The following INHBC variants were observed in gnomAD, a reference collection of about 807,000 sequenced individuals.
The protein encoded by INHBC is inhibin beta C chain.
Under a neutral mutation model 12.4 loss-of-function variants are expected in INHBC, and 10 were observed. The observed-to-expected ratio is 0.81, with a 90% CI of 0.50 to 1.37. INHBC has a LOEUF of 1.37. Among genes scored for constraint, INHBC ranks in the 40% most tolerant of loss-of-function variants. The pLI, the probability that INHBC is intolerant of heterozygous loss-of-function variation, is 0.00. For missense variants in INHBC, 382 were observed against 439.4 expected, an observed-to-expected ratio of 0.87 and a Z score of 1.17; for synonymous variants, 147 against 171.6, an observed-to-expected ratio of 0.86 and a Z score of 1.12.
At chr12:57,437,969 A>G (rs1870382921) in intron 1 of INHBC, among the ~76,000 whole-genome samples, 1 of 152,042 alleles carries the variant, frequency 6.6e-6, no homozygotes, top group African/African-American at 2.4e-5. Flanking sequence ...TATTTTTAGT[A>G]GAGACGGGGT....
Position 57,449,460 on chromosome 12 carries a change from C to G in INHBC, c.497C>G (p.Thr166Ser). The G allele has an allele frequency of 5.6e-6, 9 of 1,614,242 alleles. No individual in the cohort carries two copies. The highest frequency in any genetic ancestry group is 7.6e-6 in the Non-Finnish European group (9 of 1,180,046). The change falls in exon 2 of 2, where the codon ACT becomes AGT. Residue 166 changes from threonine to serine, a missense_variant. Coordinates refer to ENST00000309668, the MANE Select transcript of INHBC (RefSeq NM_005538.4). ...GPHNTNLTLA[T>S]QYLLEVDASG... ...CATAATACCAACCTCACCTTGGCTA[C>G]TCAGTACCTGCTGGAGGTGGATGCC...
At chr12:57,438,144 C>T (rs2139830322) in intron 1 of INHBC, among the ~76,000 whole-genome samples, 1 of 152,282 alleles carries the variant, frequency 6.6e-6, no homozygotes, top group Middle Eastern at 3.4e-3. Context: ...CAGATTCTTG[C>T]TCAGCCATTT....
chr12:57,442,213 A>G (rs747200092), intron 1 of INHBC, among the ~76,000 whole-genome samples: 1 of 152,160 alleles, frequency 6.6e-6, no homozygotes, highest in Non-Finnish European at 1.5e-5. Flanking sequence ...ATGCCTCAAT[A>G]TGTAAGTACT....
chr12:57,449,973 T>C lies in INHBC; in HGVS notation c.1010T>C (p.Val337Ala). The change falls in exon 2 of 2, where the codon GTC (valine) becomes GCC (alanine). Residue 337 changes from valine (V) to alanine (A), a missense_variant. Physicochemically the swap from Val to Ala is moderately conservative, Grantham distance 64. Coordinates refer to ENST00000309668, the MANE Select transcript of INHBC (RefSeq NM_005538.4). ...TATTATGACAGGGACAGCAACATTG[T>C]CAAGACTGACATACCTGACATGGTA... Reference protein sequence around the residue: ...LLYYDRDSNIVKTDIPDMVVE... With the variant: ...LLYYDRDSNIAKTDIPDMVVE... The C allele has an allele frequency of 6.5e-7, 1 of 1,543,350 alleles. No individual in the cohort carries two copies. The highest frequency in any genetic ancestry group is 8.7e-7 in the Non-Finnish European group (1 of 1,143,142).
chr12:57,441,957 A>G (rs942044002), intron 1 of INHBC, among the ~76,000 whole-genome samples: 11 of 152,120 alleles, frequency 7.2e-5, no homozygotes, highest in Non-Finnish European at 1.3e-4. Flanking sequence ...CTGGGATTAC[A>G]AGCATGAGCC....
At chr12:57,439,786 T>G (rs1477951020) in intron 1 of INHBC, among the ~76,000 whole-genome samples, 1 of 152,232 alleles carries the variant, frequency 6.6e-6, no homozygotes, top group African/African-American at 2.4e-5. Context: ...GAACATCGTC[T>G]TAAATTTTAG....
rs11172213 is a variant in INHBC, at chr12:57,436,811, C to T, written c.313+1612C>T. 8.7e-3 allele frequency among the ~76,000 whole-genome samples: 1,324 copies of T among 152,008 alleles called. 17 individuals carry two copies. Among genetic ancestry groups the T allele is most frequent in the African/African-American group, 0.03 (1,236 of 41,478 alleles). On this transcript the variant is annotated intron_variant, in intron 1 of 1. Coordinates refer to ENST00000309668, the MANE Select transcript of INHBC (RefSeq NM_005538.4). ...CCTCCCGAGTAGCTGGGGCTACAGG[C>T]GCCTACCACCATGCCTGGCTACTTT...
rs145429935 is a variant in INHBC at position 57,450,312 on chromosome 12, A to G, written c.*290A>G. On this transcript the variant is annotated 3_prime_UTR_variant, in exon 2 of 2. Transcript: ENST00000309668. ...TCAGACCCATCTCCAACCATGAGCA[A>G]TGCCATCTGGTTCCCAGGCAAAGAC... 3.6e-6 allele frequency: 1 copy of G among 274,098 alleles called. No homozygotes were observed. The highest frequency in any genetic ancestry group is 2.2e-5 in the African/African-American group (1 of 45,814). The allele number at this position is 274,098 out of a possible 1,614,324, so 17.0% of individuals were successfully genotyped here. A position where few individuals can be genotyped will look rare whatever the true frequency, so the allele number is the denominator to read the frequency against.
chr12:57,435,847 CTTTTT>C (rs553110736), intron 1 of INHBC, among the ~76,000 whole-genome samples: 1 of 143,950 alleles, frequency 6.9e-6, no homozygotes, highest in African/African-American at 2.5e-5. Flanking sequence ...TAGCAAGACC[CTTTTT>C]TTTTTTTTTC....
At chr12:57,442,690 C>T (rs2139832553) in intron 1 of INHBC, among the ~76,000 whole-genome samples, 1 of 152,098 alleles carries the variant, frequency 6.6e-6, no homozygotes, top group East Asian at 1.9e-4. Context: ...TGAGAGCTGT[C>T]AAGAGCAGCC....
chr12:57,440,260 G>C (rs776407972), intron 1 of INHBC, among the ~76,000 whole-genome samples: 3 of 150,750 alleles, frequency 2.0e-5, no homozygotes, highest in Non-Finnish European at 4.4e-5. Flanking sequence ...AGAGTAAGCG[G>C]TTCTATTTTT....
At chr12:57,444,369 C>A (rs533271006) in intron 1 of INHBC, among the ~76,000 whole-genome samples, 27 of 151,978 alleles carry the variant, frequency 1.8e-4, no homozygotes, top group Admixed American at 1.7e-3. Context: ...GGCAAAACTC[C>A]GTCTCTACTA....
In INHBC at chr12:57,451,505, C is replaced by T. The variant is rs975747310; in HGVS notation, c.*1483C>T. ...TTTTTAGACCTTTGCCCGTCCTCCC[C>T]CACATCTCCTCCCTTTGGCTGGACA... On this transcript the variant is annotated 3_prime_UTR_variant, in exon 2 of 2. Coordinates refer to ENST00000309668, the MANE Select transcript of INHBC (RefSeq NM_005538.4). 6.6e-6 allele frequency among the ~76,000 whole-genome samples: 1 copy of T among 152,178 alleles called. No homozygotes were observed.
At chr12:57,435,903 G>C (rs1480439977) in intron 1 of INHBC, among the ~76,000 whole-genome samples, 1 of 148,846 alleles carries the variant, frequency 6.7e-6, no homozygotes, top group Non-Finnish European at 1.5e-5. Flanking sequence ...CTGGAGTGCA[G>C]TGGCGTGATC....
At chr12:57,438,088 A>C (rs538507118) in intron 1 of INHBC, among the ~76,000 whole-genome samples, 155 of 152,162 alleles carry the variant, frequency 1.0e-3, no homozygotes, top group South Asian at 2.9e-3. Flanking sequence ...ACCCACCCCT[A>C]CCTGTTTCAA....
intron 1 of INHBC, 132 bp downstream of exon 1, chr12:57,435,331 CT>C: frequency 1.1e-6 from 1 of 878,718 alleles, no homozygotes; most frequent in Non-Finnish European, 1.7e-6. Flanking sequence ...CTATAATCTC[CT>C]TACCCAGGTG....
chr12:57,448,767 G>A (rs1048500710), intron 1 of INHBC, among the ~76,000 whole-genome samples: 4 of 152,130 alleles, frequency 2.6e-5, no homozygotes, highest in African/African-American at 4.8e-5. Context: ...AGCCAAGAGA[G>A]AAAAGATTTT....
intron 1 of INHBC, among the ~76,000 whole-genome samples, chr12:57,437,315 CAG>C (rs1870364283): frequency 6.6e-6 from 1 of 152,050 alleles, no homozygotes; most frequent in African/African-American, 2.4e-5. Flanking sequence ...CTTCCATAGA[CAG>C]GGGAATAGTT....
chr12:57,443,355 G>A (rs1870509466), intron 1 of INHBC, among the ~76,000 whole-genome samples: 1 of 151,906 alleles, frequency 6.6e-6, no homozygotes, highest in Admixed American at 6.6e-5. Flanking sequence ...CATGATCTCA[G>A]CTCACCGCAA....
Sources: allele counts gnomAD v4.1 joint callset (sites outside exome capture counted in the v4.1 genomes callset), GRCh38; gene constraint gnomAD v4.1.1; transcripts MANE v1.5; gene names NCBI Gene and HGNC (gene_info 2026-07-23, HGNC 2026-07-21).